Variants in FANCM observed in about 807,000 individuals in gnomAD.
The protein encoded by FANCM is FA complementation group M.
In FANCM, 140 loss-of-function variants were observed where a neutral mutation model predicts 199.5. The observed-to-expected ratio is 0.70, with a 90% CI of 0.61 to 0.81. FANCM has a LOEUF of 0.81. Among genes scored for constraint, FANCM ranks in the 30% least tolerant of loss-of-function variants. The pLI, the probability that FANCM is intolerant of heterozygous loss-of-function variation, is 0.00. For synonymous variants in FANCM, 840 were observed against 836.8 expected, an observed-to-expected ratio of 1.00 and a Z score of -0.07; for missense variants, 2,410 against 2,421.4, an observed-to-expected ratio of 1.00 and a Z score of 0.10.
intron 17 of FANCM, 144 bp downstream of exon 17, chr14:45,184,046 G>T (rs1889234484): frequency 1.7e-6 from 1 of 596,486 alleles, no homozygotes. Context: ...TTTTTTACTG[G>T]AATTAAATTC....
intron 8 of FANCM, 138 bp from the exon 9 acceptor site, chr14:45,158,958 C>A: frequency 1.6e-6 from 1 of 619,558 alleles, no homozygotes; most frequent in Non-Finnish European, 2.7e-6. Flanking sequence ...AGGTGTGTGC[C>A]ACCACATCCA....
chr14:45,175,343 A>G lies in FANCM; in HGVS notation c.2589A>G (p.Lys863=), dbSNP rs1566762145. The G allele has an allele frequency of 1.3e-5, 20 of 1,558,834 alleles. No individual in the cohort carries two copies. The highest frequency in any genetic ancestry group is 1.6e-5 in the Non-Finnish European group (18 of 1,151,144). ...LKKKVSKEIK[K]DQLKKENNHG... ...AAAAAGTGTCTAAAGAAATAAAAAA[A>G]GATCAGCTTAAAAAAGAAAATAATC... Residue 863 remains lysine (K), a synonymous_variant, in exon 14 of 23, where the codon AAA becomes AAG. Coordinates refer to ENST00000267430, the MANE Select transcript of FANCM (RefSeq NM_020937.4).
At chr14:45,141,003 C>T (rs975180992) in intron 3 of FANCM, among the ~76,000 whole-genome samples, 19 of 152,182 alleles carry the variant, frequency 1.2e-4, no homozygotes, top group African/African-American at 4.6e-4. Context: ...TGCCACTGTG[C>T]TGCAGCCTTG....
At chr14:45,178,697 A>C (rs921337169) in intron 14 of FANCM, among the ~76,000 whole-genome samples, 1 of 152,200 alleles carries the variant, frequency 6.6e-6, no homozygotes, top group Admixed American at 6.5e-5. Flanking sequence ...GTTCATCTGC[A>C]AAAAGGAAAT....
chr14:45,198,806 A>G lies in FANCM; in HGVS notation c.5879A>G (p.His1960Arg). The G allele has an allele frequency of 3.7e-6, 6 of 1,613,928 alleles. No individual in the cohort carries two copies. Among genetic ancestry groups the G allele is most frequent in the Non-Finnish European group, 4.2e-6 (5 of 1,179,786 alleles). The change falls in exon 22 of 23, where the codon CAT becomes CGT. Residue 1960 changes from histidine to arginine, a missense_variant. His to Arg is a conservative substitution (Grantham distance 29, BLOSUM62 0). Transcript: ENST00000267430. ...LVEQRKNVGIHVPTVVNSNKS... is the reference protein window; with the variant it reads ...LVEQRKNVGIRVPTVVNSNKS... The stretch of plus-strand genomic sequence containing the variant: ...GAACAAAGAAAGAATGTTGGTATTC[A>G]TGTTCCAACAGTGGTGAATAGTAAT...
chr14:45,140,822 C>G (rs1319850920), intron 3 of FANCM, 113 bp downstream of exon 3: 2 of 748,896 alleles, frequency 2.7e-6, no homozygotes, highest in Non-Finnish European at 4.7e-6. Context: ...GGGAGGATCA[C>G]TTGAGGCCAG....
Position 45,198,746 on chromosome 14 carries a change from A to G in FANCM, c.5819A>G (p.Glu1940Gly). The stretch of plus-strand genomic sequence containing the variant: ...ATTCTTTTCAGTTCCTGCCAAGAAG[A>G]AACCGCAGATTTGCTAAAGGAACTG... ...IRILFSSCQE[E>G]TADLLKELSL... The change falls in exon 22 of 23, where the codon GAA becomes GGA. Residue 1940 changes from glutamate to glycine, a missense_variant. Physicochemically the swap from Glu to Gly is moderately conservative, Grantham distance 98. Coordinates refer to ENST00000267430, the MANE Select transcript of FANCM (RefSeq NM_020937.4). The G allele has an allele frequency of 1.9e-6, 3 of 1,614,092 alleles. No homozygotes were observed. The highest frequency in any genetic ancestry group is 2.5e-6 in the Non-Finnish European group (3 of 1,179,962).
chr14:45,163,566 A>G (rs933905824), intron 9 of FANCM, among the ~76,000 whole-genome samples: 77 of 152,330 alleles, frequency 5.1e-4, no homozygotes, highest in African/African-American at 1.8e-3. Flanking sequence ...GTTTCATTAA[A>G]CTGATCAGAG....
chr14:45,154,652 A>C (rs1887054374), intron 6 of FANCM, 45 bp from the exon 7 acceptor site: 1 of 1,209,532 alleles, frequency 8.3e-7, no homozygotes, highest in Middle Eastern at 2.8e-4. Flanking sequence ...ACATTTTATC[A>C]GTTTTATTAT....
At chr14:45,164,846 A>G (rs1017210086) in intron 10 of FANCM, among the ~76,000 whole-genome samples, 3 of 152,154 alleles carry the variant, frequency 2.0e-5, no homozygotes, top group Admixed American at 6.6e-5. Context: ...TTGTTTTACT[A>G]TTTTCCTGTG....
chr14:45,178,915 T>TG (rs1338793787), intron 14 of FANCM, among the ~76,000 whole-genome samples: 4 of 152,322 alleles, frequency 2.6e-5, no homozygotes, highest in African/African-American at 9.6e-5. Context: ...AAAACCTTAA[T>TG]GGGCCTGGCG....
At chr14:45,141,321 C>G (rs1478988360) in intron 3 of FANCM, among the ~76,000 whole-genome samples, 1 of 143,238 alleles carries the variant, frequency 7.0e-6, no homozygotes, top group East Asian at 2.0e-4. Context: ...AAGCAAAAAA[C>G]AAAAAACATA....
At position 45,137,114 on chromosome 14, in the gene FANCM, G is replaced by C. The variant is rs1431701664; in HGVS notation, c.554G>C (p.Arg185Thr). 1 of 1,612,908 alleles carries C rather than the reference G, an allele frequency of 6.2e-7. No homozygotes were observed. Among genetic ancestry groups the C allele is most frequent in the Non-Finnish European group, 8.5e-7 (1 of 1,179,130 alleles). ...STRKEIWCSK[R>T]VLFLTPQVMV... is the part of the protein sequence containing the mutation. ...AGGAAGGAAATATGGTGCAGTAAGAGAGTGCTTTTTCTTACACCTCAGGTC... is the reference window on the plus strand; with the variant it reads ...AGGAAGGAAATATGGTGCAGTAAGACAGTGCTTTTTCTTACACCTCAGGTC... Residue 185 changes from arginine (R) to threonine (T), a missense_variant, in exon 2 of 23, where the codon AGA becomes ACA. Physicochemically the swap from Arg to Thr is moderately conservative, Grantham distance 71. Transcript: ENST00000267430.
chr14:45,175,322 AG>A lies in FANCM; in HGVS notation c.2569del (p.Val857CysfsTer5). 1 of 1,562,928 alleles carries A rather than the reference AG, an allele frequency of 6.4e-7. No homozygotes were observed. Among genetic ancestry groups the A allele is most frequent in the South Asian group, 1.2e-5 (1 of 83,252 alleles). On this transcript the variant is annotated frameshift_variant, in exon 14 of 23. Transcript: ENST00000267430. LOFTEE classifies it high-confidence loss of function. Reference sequence around the variant, plus strand: ...CTAAAATTGTTTCTTTAAAGAAAAAAGTGTCTAAAGAAATAAAAAAAGATCA... The same window carrying A: ...CTAAAATTGTTTCTTTAAAGAAAAAATGTCTAAAGAAATAAAAAAAGATCA... Reference protein sequence around the residue: ...PTKIVSLKKKVSKEIKKDQLK... With the variant: ...PTKIVSLKKKXSKEIKKDQLK...
In FANCM at chr14:45,151,544, T is replaced by C. The variant is rs769866572; in HGVS notation, c.1050+16T>C. On this transcript the variant is annotated intron_variant, in intron 5 of 22. Transcript: ENST00000267430. ...GAATATTGTGGTAGGTATTTTTAAA[T>C]AAATTTTGATGACAGATTAAATTTT... 10 of 1,605,540 alleles carry C rather than the reference T, an allele frequency of 6.2e-6. No homozygotes were observed. In the South Asian group the frequency reaches 1.1e-4, roughly 18 times the overall value.
At chr14:45,173,285 T>C in intron 13 of FANCM, 75 bp downstream of exon 13, 1 of 1,319,946 alleles carries the variant, frequency 7.6e-7, no homozygotes, top group Non-Finnish European at 1.1e-6. Context: ...TTTTCTTAAT[T>C]TGAAGTAATA....
rs1394084351 is a variant in FANCM, at chr14:45,136,291, C to T, written c.260C>T (p.Thr87Ile). Residue 87 changes from threonine to isoleucine, a missense_variant, in exon 1 of 23, where the codon ACC becomes ATC. By Grantham distance (89) the Thr-to-Ile change is moderately conservative. Coordinates refer to ENST00000267430, the MANE Select transcript of FANCM (RefSeq NM_020937.4). ...GCGGGCGCCCTGTGGATTTACCCTA[C>T]CAATTGCCCAGTGCGGGACTACCAG... ...TSAGALWIYP[T>I]NCPVRDYQLH... is the part of the protein sequence containing the mutation. 1.2e-6 allele frequency: 2 copies of T among 1,614,054 alleles called. No individual in the cohort carries two copies. Among genetic ancestry groups the T allele is most frequent in the Non-Finnish European group, 1.7e-6 (2 of 1,180,042 alleles).
rs2139247848 is a variant in FANCM at position 45,176,119 on chromosome 14, A to T, written c.3365A>T (p.Asp1122Val). The T allele has an allele frequency of 6.2e-7, 1 of 1,613,920 alleles. No individual in the cohort carries two copies. Among genetic ancestry groups the T allele is most frequent in the Non-Finnish European group, 8.5e-7 (1 of 1,179,876 alleles). ...GENNHDVDNS[D>V]LPVLSTDQDE... ...AACAATCATGATGTTGATAACAGTG[A>T]CCTCCCAGTATTGTCCACTGATCAA... is the stretch of plus-strand genomic sequence containing the variant. The change falls in exon 14 of 23, where the codon GAC becomes GTC. Residue 1122 changes from aspartate (D) to valine (V), a missense_variant. Coordinates refer to ENST00000267430, the MANE Select transcript of FANCM (RefSeq NM_020937.4).
intron 8 of FANCM, among the ~76,000 whole-genome samples, chr14:45,156,506 A>G (rs985873798): frequency 2.6e-5 from 4 of 152,184 alleles, no homozygotes; most frequent in Admixed American, 2.6e-4. Flanking sequence ...ATGACACATA[A>G]TAGTGGTGTT....
Sources: allele counts gnomAD v4.1 joint callset (sites outside exome capture counted in the v4.1 genomes callset), GRCh38; gene constraint gnomAD v4.1.1; transcripts MANE v1.5; gene names NCBI Gene and HGNC (gene_info 2026-07-23, HGNC 2026-07-21).